P4HA2: variants seen among roughly 807,000 people sequenced by gnomAD.
P4HA2 encodes prolyl 4-hydroxylase subunit alpha 2, also known as prolyl 4-hydroxylase subunit alpha-2.
In P4HA2, 46 loss-of-function variants were observed where a neutral mutation model predicts 76.9. The ratio of observed to expected loss-of-function variants is 0.60; its 90% CI spans 0.47 to 0.76. The LOEUF (loss-of-function observed/expected upper bound fraction) is 0.76, where lower values mean the gene tolerates loss of function less well. Among genes scored for constraint, P4HA2 ranks in the 30% least tolerant of loss-of-function variants. The pLI is 0.00. For synonymous variants in P4HA2, 243 were observed against 254.0 expected (o/e 0.96, Z 0.41); for missense variants, 583 against 669.4 (o/e 0.87, Z 1.42).
At chr5:132,209,482 T>A in intron 6 of P4HA2, 151 bp from the exon 7 acceptor site, 1 of 697,562 alleles carries the variant, frequency 1.4e-6, no homozygotes, top group Non-Finnish European at 2.4e-6. Flanking sequence ...ACGCTGGTCG[T>A]AACTGGAAAA....
intron 12 of P4HA2, 132 bp from the exon 13 acceptor site, chr5:132,195,612 T>C: frequency 1.4e-6 from 1 of 701,836 alleles, no homozygotes; most frequent in Non-Finnish European, 2.6e-6. Context: ...GTCTGCTCCA[T>C]GGCCAGCCCT....
chr5:132,210,663 C>T, intron 5 of P4HA2, 140 bp from the exon 6 acceptor site: 1 of 824,372 alleles, frequency 1.2e-6, no homozygotes, highest in Non-Finnish European at 2.0e-6. Context: ...ACTGCATATC[C>T]TAAAGGGCCA....
At chr5:132,217,631 G>T (rs1412040718) in intron 3 of P4HA2, 121 bp downstream of exon 3, 1 of 748,262 alleles carries the variant, frequency 1.3e-6, no homozygotes, top group African/African-American at 1.7e-5. Context: ...GAAGTAACCA[G>T]GCCAGCCCCA....
intron 10 of P4HA2, chr5:132,202,914 G>A (rs1429902392): frequency 2.6e-5 from 4 of 152,176 alleles, no homozygotes; most frequent in African/African-American, 9.7e-5. Context: ...TCTTTGTTCT[G>A]ACTGAAAATC....
intron 12 of P4HA2, chr5:132,195,723 C>A: frequency 1.8e-6 from 1 of 564,736 alleles, no homozygotes; most frequent in South Asian, 2.1e-5. Context: ...ACAGGAGACC[C>A]ACATCCGGGC....
At chr5:132,217,964 G>C (rs750437303) in intron 2 of P4HA2, 116 bp from the exon 3 acceptor site, 3 of 644,034 alleles carry the variant, frequency 4.7e-6, no homozygotes, top group Non-Finnish European at 8.3e-6. Flanking sequence ...GAACATGTCA[G>C]CTCTCTGAGG....
At chr5:132,218,517 G>C (rs1561494808) in intron 2 of P4HA2, 28 bp downstream of exon 2, 1 of 1,514,874 alleles carries the variant, frequency 6.6e-7, no homozygotes, top group Non-Finnish European at 9.2e-7. Context: ...CAAGGTGTCA[G>C]GGAGACGACA....
At chr5:132,201,530 C>T (rs948691521) in intron 10 of P4HA2, 2 of 152,192 alleles carry the variant, frequency 1.3e-5, no homozygotes, top group Non-Finnish European at 2.9e-5. Flanking sequence ...TCCTGTTCCC[C>T]AGACCATGAA....
intron 13 of P4HA2, 156 bp downstream of exon 13, chr5:132,195,256 T>G (rs1750461967): frequency 1.5e-6 from 1 of 675,346 alleles, no homozygotes; most frequent in Non-Finnish European, 2.6e-6. Flanking sequence ...CTGTCCTTTC[T>G]TCACAGGGAG....
intron 13 of P4HA2, 128 bp from the exon 14 acceptor site, chr5:132,195,150 T>G (rs1256751979): frequency 2.9e-6 from 2 of 686,006 alleles, no homozygotes; most frequent in African/African-American, 3.6e-5. Context: ...GGGATAGGGC[T>G]CTGGGACTCC....
intron 7 of P4HA2, among the ~76,000 whole-genome samples, chr5:132,208,177 C>A (rs1206436391): frequency 6.6e-6 from 1 of 151,040 alleles, no homozygotes; most frequent in Non-Finnish European, 1.5e-5. Flanking sequence ...CCTGTAGTCC[C>A]AGCTACTCAG....
chr5:132,212,946 G>A (rs1753290296), intron 5 of P4HA2, among the ~76,000 whole-genome samples: 1 of 152,178 alleles, frequency 6.6e-6, no homozygotes. Context: ...GGCAGCTGAG[G>A]TTCTGGAGCT....
chr5:132,202,260 T>C (rs1182912796), intron 10 of P4HA2: 2 of 152,206 alleles, frequency 1.3e-5, no homozygotes, highest in Non-Finnish European at 2.9e-5. Flanking sequence ...GTAATCAGTA[T>C]GCTTTTTAAA....
intron 1 of P4HA2, among the ~76,000 whole-genome samples, chr5:132,224,086 A>G (rs1483433698): frequency 6.6e-6 from 1 of 152,220 alleles, no homozygotes; most frequent in East Asian, 1.9e-4. Context: ...TGGACCCAGA[A>G]AACAGCAACA....
At chr5:132,193,248 G>C (rs1275474887) in intron 14 of P4HA2, 168 bp from the exon 15 acceptor site, 10 of 586,044 alleles carry the variant, frequency 1.7e-5, no homozygotes, top group Non-Finnish European at 3.1e-5. Flanking sequence ...GAAGACACAT[G>C]TAAACAGATA....
intron 6 of P4HA2, 67 bp downstream of exon 6, chr5:132,210,217 T>C: frequency 6.4e-7 from 1 of 1,571,446 alleles, no homozygotes; most frequent in South Asian, 1.1e-5. Context: ...GTCAGGCAGA[T>C]GCCAGCACAG....
chr5:132,220,417 G>A (rs1481967453), intron 1 of P4HA2, among the ~76,000 whole-genome samples: 2 of 152,244 alleles, frequency 1.3e-5, no homozygotes, highest in Admixed American at 6.5e-5. Context: ...AAAGGGACCA[G>A]CTGACTGCTC....
intron 8 of P4HA2, among the ~76,000 whole-genome samples, chr5:132,206,753 C>T (rs771316662): frequency 1.7e-4 from 26 of 152,098 alleles, no homozygotes; most frequent in Middle Eastern, 3.2e-3. Context: ...GCCTATTCTA[C>T]GTAATTATGC....
chr5:132,218,921 C>T (rs915578277), intron 1 of P4HA2, among the ~76,000 whole-genome samples: 5 of 152,184 alleles, frequency 3.3e-5, no homozygotes, highest in South Asian at 2.1e-4. Flanking sequence ...CATGAGAAGG[C>T]GGAATCGCAG....
Sources: gnomAD v4.1 joint callset for allele counts (sites outside exome capture counted in the v4.1 genomes callset) on GRCh38, gnomAD v4.1.1 for gene constraint, MANE v1.5 for transcripts, NCBI Gene and HGNC (gene_info 2026-07-23, HGNC 2026-07-21) for gene names.